The following CTBS variants were observed in gnomAD, a reference collection of about 807,000 sequenced individuals.
The protein encoded by CTBS is chitobiase, also known as di-N-acetylchitobiase.
CTBS carries 35 observed loss-of-function variants against 44.3 expected under a neutral mutation model. That is an observed-to-expected ratio of 0.79 (90% CI 0.60 to 1.05). The LOEUF is 1.05. Ranked by LOEUF, CTBS falls within the 50% of genes least tolerant of loss-of-function variation. CTBS has a pLI of 0.00. For synonymous variants in CTBS, 143 were observed against 168.0 expected, an observed-to-expected ratio of 0.85 and a Z score of 1.15; for missense variants, 458 against 475.3, an observed-to-expected ratio of 0.96 and a Z score of 0.34.
intron 6 of CTBS, among the ~76,000 whole-genome samples, chr1:84,558,242 A>G (rs1684506290): frequency 6.6e-6 from 1 of 152,172 alleles, no homozygotes; most frequent in South Asian, 2.1e-4. Context: ...AGATATATCA[A>G]AACATCATCT....
rs1684212262 is a variant in CTBS at position 84,549,681 on chromosome 1, G to C, written c.*5318C>G. 1 of 151,902 alleles carries C rather than the reference G, an allele frequency of 6.6e-6. No individual in the cohort carries two copies. Among genetic ancestry groups the C allele is most frequent in the Non-Finnish European group, 1.5e-5 (1 of 67,956 alleles). 9.4% of individuals were successfully genotyped at this position (151,902 alleles called of 1,614,324 possible). A position where few individuals can be genotyped will look rare whatever the true frequency, so the allele number is the denominator to read the frequency against. Reference sequence around the variant, plus strand: ...AAATAACAGACAAAAAAATTCAAGAGGGCATTTAACAATTTGATTTGGGTT... The same window carrying C: ...AAATAACAGACAAAAAAATTCAAGACGGCATTTAACAATTTGATTTGGGTT... On this transcript the variant is annotated 3_prime_UTR_variant, in exon 7 of 7. Coordinates refer to ENST00000370630, the MANE Select transcript of CTBS (RefSeq NM_004388.3).
rs545775325 is a variant in CTBS at position 84,568,089 on chromosome 1, C to T, written c.525+1842G>A. On this transcript the variant is annotated intron_variant, in intron 3 of 6. Transcript: ENST00000370630. ...AATCTGGCCTACCTTTGCAACTGTC[C>T]CTCCCACTAATTCACCTAACATGAA... Among the ~76,000 whole-genome samples the T allele has an allele frequency of 2.0e-5, 3 of 152,264 alleles. No individual in the cohort carries two copies. The South Asian group carries it at 6.2e-4, about 32-fold the overall frequency.
At chr1:84,570,792 C>A in intron 1 of CTBS, 72 bp from the exon 2 acceptor site, 1 of 1,431,976 alleles carries the variant, frequency 7.0e-7, no homozygotes, top group South Asian at 1.3e-5. Context: ...TACCGTTCAT[C>A]AAACATCACC....
chr1:84,564,868 T>TA (rs936937826), intron 4 of CTBS, among the ~76,000 whole-genome samples: 12 of 149,064 alleles, frequency 8.1e-5, no homozygotes, highest in African/African-American at 1.7e-4. Flanking sequence ...TCCATCTCCT[T>TA]AAAAAAAAAA....
intron 6 of CTBS, among the ~76,000 whole-genome samples, chr1:84,555,452 C>T (rs1006542924): frequency 3.9e-5 from 6 of 152,112 alleles, no homozygotes; most frequent in African/African-American, 9.7e-5. Context: ...TTAGACTTTA[C>T]GATGGATTTA....
chr1:84,563,532 T>A, intron 5 of CTBS, 114 bp from the exon 6 acceptor site: 1 of 783,986 alleles, frequency 1.3e-6, no homozygotes, highest in Non-Finnish European at 1.8e-6. Flanking sequence ...AAAACCTGAC[T>A]ATACAGAAAA....
At chr1:84,568,094 C>T (rs1684731588) in intron 3 of CTBS, among the ~76,000 whole-genome samples, 2 of 152,204 alleles carry the variant, frequency 1.3e-5, no homozygotes, top group East Asian at 3.8e-4. Context: ...CTGTCCCTCC[C>T]ACTAATTCAC....
chr1:84,563,280 G>A lies in CTBS; in HGVS notation c.934C>T (p.Arg312Trp), dbSNP rs148822299. Residue 312 changes from arginine to tryptophan, a missense_variant, in exon 6 of 7, where the codon CGG (arginine) becomes TGG (tryptophan). Arg to Trp is a moderately radical substitution (Grantham distance 101, BLOSUM62 -3). Coordinates refer to ENST00000370630, the MANE Select transcript of CTBS (RefSeq NM_004388.3). ...ISGNLWDKDQ[R>W]APYYNYKDPA... ...ACTTTATAGTTATAATAAGGAGCCC[G>A]CTGATCTTTATCCCATAGGTTTCCA... 20 of 1,565,858 alleles carry A rather than the reference G, an allele frequency of 1.3e-5. No homozygotes were observed. The highest frequency in any genetic ancestry group is 3.8e-5 in the Admixed American group (2 of 53,128).
In CTBS at chr1:84,570,658, A is replaced by G. The variant is rs373427284; in HGVS notation, c.240T>C (p.Thr80=). The change falls in exon 2 of 7, where the codon ACT becomes ACC. Residue 80 remains threonine (T), a synonymous_variant. Transcript: ENST00000370630. ...WKSYDWSQIT[T]VATFGKYDSE... ...AGTCATATTTTCCAAATGTTGCCAC[A>G]GTTGTAATCTGTGACCAATCATAAG... 5.6e-6 allele frequency: 9 copies of G among 1,613,976 alleles called. No individual in the cohort carries two copies. Among genetic ancestry groups the G allele is most frequent in the Admixed American group, 1.7e-5 (1 of 60,006 alleles).
In CTBS at chr1:84,550,866, G is replaced by A; in HGVS notation, c.*4133C>T. On this transcript the variant is annotated 3_prime_UTR_variant, in exon 7 of 7. Coordinates refer to ENST00000370630, the MANE Select transcript of CTBS (RefSeq NM_004388.3). ...ATTATTAAGTCTGATAAACCACTGA[G>A]CTCTCCTCTGAACTGACATTTAATT... 3.0e-6 allele frequency: 3 copies of A among 988,646 alleles called. No individual in the cohort carries two copies. The South Asian group carries it at 1.4e-4, about 46-fold the overall frequency. 61.2% of individuals were successfully genotyped at this position (988,646 alleles called of 1,614,324 possible).
At chr1:84,570,520 T>C (rs1647271690) in intron 2 of CTBS, 62 bp downstream of exon 2, 2 of 1,468,830 alleles carry the variant, frequency 1.4e-6, no homozygotes, top group African/African-American at 1.4e-5. Flanking sequence ...AAGTCGGGAC[T>C]ATAGCAAGTG....
At chr1:84,567,857 G>A (rs1684729051) in intron 3 of CTBS, among the ~76,000 whole-genome samples, 1 of 151,968 alleles carries the variant, frequency 6.6e-6, no homozygotes, top group Admixed American at 6.6e-5. Flanking sequence ...TTGTACACCT[G>A]CTGATTTAGG....
chr1:84,563,949 C>T (rs951515437), intron 4 of CTBS, 117 bp from the exon 5 acceptor site: 11 of 1,181,446 alleles, frequency 9.3e-6, no homozygotes, highest in African/African-American at 6.3e-5. Flanking sequence ...ATAAAAAACA[C>T]TAATATTGTT....
intron 3 of CTBS, among the ~76,000 whole-genome samples, chr1:84,567,249 C>T (rs897410045): frequency 6.6e-6 from 1 of 152,102 alleles, no homozygotes. Context: ...AGTTTTCCAA[C>T]AAAATAAGTT....
intron 6 of CTBS, among the ~76,000 whole-genome samples, chr1:84,560,462 C>T (rs1443915844): frequency 6.6e-6 from 1 of 152,194 alleles, no homozygotes; most frequent in Non-Finnish European, 1.5e-5. Context: ...GTCCATACTT[C>T]GTTGAACCTA....
Position 84,574,276 on chromosome 1 carries a change from T to A in CTBS, c.140A>T (p.Glu47Val), listed in dbSNP as rs377174797. 1.4e-5 allele frequency: 23 copies of A among 1,593,376 alleles called. No homozygotes were observed. Among genetic ancestry groups the A allele is most frequent in the Non-Finnish European group, 2.0e-5 (23 of 1,171,608 alleles). ...AGTDCPCPEP[E>V]LCRPIRHHPD... ...ATGGTGGCGAATCGGGCGGCAGAGC[T>A]CAGGCTCCGGGCATGGGCAGTCGGT... The change falls in exon 1 of 7, where the codon GAG becomes GTG. Residue 47 changes from glutamate to valine, a missense_variant. By Grantham distance (121) the Glu-to-Val change is moderately radical (BLOSUM62 -2). Transcript: ENST00000370630.
At chr1:84,561,634 GA>G (rs1684595718) in intron 6 of CTBS, among the ~76,000 whole-genome samples, 2 of 152,126 alleles carry the variant, frequency 1.3e-5, no homozygotes, top group Admixed American at 6.5e-5. Flanking sequence ...AGAGTCAATT[GA>G]CGTGGCAAAC....
chr1:84,574,338 C>T lies in CTBS; in HGVS notation c.78G>A (p.Ala26=), dbSNP rs1387046115. 2 of 1,573,034 alleles carry T rather than the reference C, an allele frequency of 1.3e-6. No individual in the cohort carries two copies. The highest frequency in any genetic ancestry group is 8.6e-7 in the Non-Finnish European group (1 of 1,160,106). The change falls in exon 1 of 7, where the codon GCG becomes GCA. Residue 26 remains alanine, a synonymous_variant. Transcript: ENST00000370630. ...PSGVPGLALL[A]LLALLALRLA... is the part of the protein sequence containing the mutation. ...GCCGCAGCGCCAGCAGCGCCAGCAG[C>T]GCCAGCAGCGCTAGACCCGGGACGC...
At chr1:84,559,859 C>T (rs191542878) in intron 6 of CTBS, among the ~76,000 whole-genome samples, 63 of 151,554 alleles carry the variant, frequency 4.2e-4, no homozygotes, top group Non-Finnish European at 7.4e-4. Context: ...CCAAGGTAGG[C>T]GGATCACTTG....
Sources: gnomAD v4.1 joint callset for allele counts (sites outside exome capture counted in the v4.1 genomes callset) on GRCh38, gnomAD v4.1.1 for gene constraint, MANE v1.5 for transcripts, NCBI Gene and HGNC (gene_info 2026-07-23, HGNC 2026-07-21) for gene names.